The following BTRC variants were observed in gnomAD, a reference collection of about 807,000 sequenced individuals.
The protein encoded by BTRC is F-box/WD repeat-containing protein 1A.
In BTRC, 42 loss-of-function variants were observed where a neutral mutation model predicts 85.5. The observed-to-expected ratio is 0.49, with a 90% CI of 0.38 to 0.64. The LOEUF (loss-of-function observed/expected upper bound fraction) is 0.64, where lower values mean the gene tolerates loss of function less well. BTRC is among the 30% of genes least tolerant of loss of function. BTRC has a pLI of 0.00. For synonymous variants in BTRC, 255 were observed against 263.3 expected (o/e 0.97, Z 0.30); for missense variants, 594 against 743.5 (o/e 0.80, Z 2.34).
rs180882975 is a variant in BTRC at position 101,419,726 on chromosome 10, G to T, written c.49-10619G>T. 2.0e-4 allele frequency among the ~76,000 whole-genome samples: 31 copies of T among 152,188 alleles called. No individual in the cohort carries two copies. The East Asian group carries it at 5.0e-3, about 25-fold the overall frequency. ...TGCATACCAAGCGGTGGGAAACATC[G>T]GGGGGCATGTTAGAGTTTGCCTGCT... On this transcript the variant is annotated intron_variant, in intron 1 of 14. Coordinates refer to ENST00000370187, the MANE Select transcript of BTRC (RefSeq NM_033637.4).
chr10:101,477,612 C>A (rs1945723881), intron 3 of BTRC, among the ~76,000 whole-genome samples: 1 of 152,148 alleles, frequency 6.6e-6, no homozygotes, highest in African/African-American at 2.4e-5. Flanking sequence ...CTGTGCCCAG[C>A]TATCACCAGT....
At chr10:101,366,965 TAA>T (rs1942452343) in intron 1 of BTRC, among the ~76,000 whole-genome samples, 3 of 45,130 alleles carry the variant, frequency 6.6e-5, no homozygotes, top group African/African-American at 2.0e-4. Flanking sequence ...TATATTTATA[TAA>T]ATATATATTT....
chr10:101,373,942 A>G (rs1942714178), intron 1 of BTRC, among the ~76,000 whole-genome samples: 1 of 151,706 alleles, frequency 6.6e-6, no homozygotes, highest in Admixed American at 6.6e-5. Flanking sequence ...CAAGACAGAA[A>G]AAAAAAAAAA....
chr10:101,539,092 CT>C (rs1426904239), intron 13 of BTRC, among the ~76,000 whole-genome samples: 1 of 151,886 alleles, frequency 6.6e-6, no homozygotes, highest in Non-Finnish European at 1.5e-5. Flanking sequence ...ATGAATCCCC[CT>C]GGTCAACCCC....
chr10:101,463,654 GT>G (rs1297228098), intron 3 of BTRC, among the ~76,000 whole-genome samples: 1 of 152,018 alleles, frequency 6.6e-6, no homozygotes, highest in Non-Finnish European at 1.5e-5. Context: ...ACCCTGTAAA[GT>G]TTTTAGATAT....
chr10:101,460,091 T>C (rs1163884543), intron 2 of BTRC, among the ~76,000 whole-genome samples: 2 of 152,208 alleles, frequency 1.3e-5, no homozygotes, highest in Non-Finnish European at 2.9e-5. Flanking sequence ...GATCTTTTTA[T>C]TTATTTATTT....
intron 4 of BTRC, among the ~76,000 whole-genome samples, chr10:101,487,515 G>A (rs1362852766): frequency 6.6e-6 from 1 of 152,168 alleles, no homozygotes; most frequent in Non-Finnish European, 1.5e-5. Context: ...TGATTTTCAT[G>A]GCTTTGACAG....
chr10:101,493,628 C>T (rs187868833), intron 4 of BTRC, among the ~76,000 whole-genome samples: 8 of 152,158 alleles, frequency 5.3e-5, no homozygotes, highest in East Asian at 1.9e-4. Flanking sequence ...ATTTGGAAAT[C>T]GCAGAAGTAT....
chr10:101,424,251 T>G (rs1360663603), intron 1 of BTRC, among the ~76,000 whole-genome samples: 3 of 151,964 alleles, frequency 2.0e-5, no homozygotes, highest in Non-Finnish European at 2.9e-5. Context: ...AAAAAAAGAA[T>G]CCTTGTTTTA....
intron 13 of BTRC, among the ~76,000 whole-genome samples, chr10:101,546,717 G>A (rs989100428): frequency 6.6e-6 from 1 of 152,078 alleles, no homozygotes; most frequent in African/African-American, 2.4e-5. Flanking sequence ...ATTGAAAACA[G>A]GAAATCAATG....
chr10:101,532,783 TGTGTGTGCGCGTGTGCGCGC>T (rs1433585818), intron 8 of BTRC, among the ~76,000 whole-genome samples, 149 bp from the exon 9 acceptor site: 62 of 80,044 alleles, frequency 7.7e-4, no homozygotes, highest in African/African-American at 6.1e-3. Context: ...TGTGTGTGTG[TGTGTGTGCGCGTGTGCGCGC>T]GCGCGCGCTT....
intron 1 of BTRC, among the ~76,000 whole-genome samples, chr10:101,416,818 C>G (rs1026448269): frequency 1.3e-5 from 2 of 152,008 alleles, no homozygotes; most frequent in South Asian, 4.2e-4. Context: ...ATTAGTTGTT[C>G]TCTCTCTCAT....
intron 13 of BTRC, among the ~76,000 whole-genome samples, chr10:101,548,645 G>A (rs1341403889): frequency 1.3e-5 from 2 of 152,110 alleles, no homozygotes; most frequent in Non-Finnish European, 2.9e-5. Flanking sequence ...CCAGCTACTT[G>A]GGAGGCTGAG....
At chr10:101,464,674 T>C (rs182733945) in intron 3 of BTRC, among the ~76,000 whole-genome samples, 18 of 152,232 alleles carry the variant, frequency 1.2e-4, no homozygotes, top group African/African-American at 3.9e-4. Flanking sequence ...CTCCATTCTC[T>C]TTGTGAAGAG....
intron 1 of BTRC, among the ~76,000 whole-genome samples, chr10:101,388,720 G>A (rs1291939643): frequency 6.6e-6 from 1 of 152,068 alleles, no homozygotes; most frequent in African/African-American, 2.4e-5. Flanking sequence ...TGAACTCCTG[G>A]CCTCAAGCAA....
At chr10:101,355,514 A>G (rs1242589370) in intron 1 of BTRC, among the ~76,000 whole-genome samples, 2 of 152,248 alleles carry the variant, frequency 1.3e-5, no homozygotes, top group East Asian at 3.8e-4. Context: ...TGTGGTTACA[A>G]CTAAAGAATG....
At chr10:101,456,579 AT>A (rs1191936276) in intron 2 of BTRC, among the ~76,000 whole-genome samples, 1 of 152,172 alleles carries the variant, frequency 6.6e-6, no homozygotes, top group African/African-American at 2.4e-5. Context: ...TTTTAATATA[AT>A]TACTTTCTTT....
Position 101,522,358 on chromosome 10 carries a change from AAAAAAAAACAAAAAAAAAC to A in BTRC, c.556+497_556+515del, listed in dbSNP as rs1435352368. On this transcript the variant is annotated intron_variant, in intron 5 of 14. Coordinates refer to ENST00000370187, the MANE Select transcript of BTRC (RefSeq NM_033637.4). ...CCCAGCTGGTATAAAGCTTTAAAAA[AAAAAAAAACAAAAAAAAAC>A]AAAAAAAAAAAAACTCTAGAAATAA... 4.2e-4 allele frequency among the ~76,000 whole-genome samples: 31 copies of A among 73,848 alleles called. 3 individuals are homozygous for A. The highest frequency in any genetic ancestry group is 7.5e-4 in the Non-Finnish European group (28 of 37,114). The allele number at this position is 73,848 out of a possible 152,430, so 48.4% of individuals were successfully genotyped here.
chr10:101,547,693 T>C (rs1301585540), intron 13 of BTRC, among the ~76,000 whole-genome samples: 1 of 152,222 alleles, frequency 6.6e-6, no homozygotes, highest in Admixed American at 6.5e-5. Flanking sequence ...TTCTAAAATA[T>C]TTTAAAATGT....
Sources: allele counts gnomAD v4.1 joint callset (sites outside exome capture counted in the v4.1 genomes callset), GRCh38; gene constraint gnomAD v4.1.1; transcripts MANE v1.5; gene names NCBI Gene and HGNC (gene_info 2026-07-23, HGNC 2026-07-21).